PTPRM: variants seen among roughly 807,000 people sequenced by gnomAD.
PTPRM encodes receptor-type tyrosine-protein phosphatase mu.
PTPRM carries 47 observed loss-of-function variants against 186.7 expected under a neutral mutation model. The ratio of observed to expected loss-of-function variants is 0.25; its 90% confidence interval spans 0.20 to 0.32. The LOEUF is 0.32. PTPRM is among the 10% of genes least tolerant of loss of function. The probability of loss-of-function intolerance (pLI) is 1.00; values close to 1 mark genes in which losing one functional copy is unlikely to be tolerated. For missense variants in PTPRM, 1,494 were observed against 1,865.0 expected, an observed-to-expected ratio of 0.80 and a Z score of 3.66; for synonymous variants, 668 against 674.9, an observed-to-expected ratio of 0.99 and a Z score of 0.16.
intron 23 of PTPRM, chr18:8,367,167 G>A (rs1212167128): frequency 1.3e-5 from 2 of 151,988 alleles, no homozygotes; most frequent in East Asian, 3.9e-4. Context: ...ACAAGTCCAA[G>A]TAGTTAAAAA....
At chr18:7,759,005 G>A (rs1456110845) in intron 1 of PTPRM, among the ~76,000 whole-genome samples, 1 of 152,200 alleles carries the variant, frequency 6.6e-6, no homozygotes, top group Admixed American at 6.5e-5. Context: ...TCCTGGTGAT[G>A]GCTGAGACAG....
chr18:7,713,533 A>G (rs1180757750), intron 1 of PTPRM, among the ~76,000 whole-genome samples: 2 of 152,288 alleles, frequency 1.3e-5, no homozygotes, highest in Admixed American at 1.3e-4. Context: ...TTAACCTTAA[A>G]TGTAAACAGG....
intron 14 of PTPRM, among the ~76,000 whole-genome samples, chr18:8,194,947 G>A (rs2093756540): frequency 6.6e-6 from 1 of 152,006 alleles, no homozygotes. Context: ...AGGAATCAAA[G>A]AAGGCTCTCA....
intron 1 of PTPRM, among the ~76,000 whole-genome samples, chr18:7,773,769 AG>A (rs575270105): frequency 6.6e-5 from 10 of 152,050 alleles, no homozygotes; most frequent in Admixed American, 3.9e-4. Context: ...TTGTAGAGAT[AG>A]GGTTTCACCA....
chr18:8,055,314 G>T (rs1444149697), intron 7 of PTPRM, among the ~76,000 whole-genome samples: 1 of 151,670 alleles, frequency 6.6e-6, no homozygotes, highest in Admixed American at 6.6e-5. Flanking sequence ...TTTCTATTAT[G>T]TTCCTATTTC....
intron 1 of PTPRM, among the ~76,000 whole-genome samples, chr18:7,654,532 C>T (rs1014206373): frequency 6.6e-6 from 1 of 152,098 alleles, no homozygotes; most frequent in Non-Finnish European, 1.5e-5. Context: ...TTTGCCTTTT[C>T]CTATGTCCAG....
chr18:8,023,874 A>G (rs914138818), intron 7 of PTPRM, among the ~76,000 whole-genome samples: 6 of 142,124 alleles, frequency 4.2e-5, no homozygotes, highest in Non-Finnish European at 6.3e-5. Context: ...ACACACACGC[A>G]CACCCCTCCT....
intron 7 of PTPRM, among the ~76,000 whole-genome samples, chr18:7,994,054 C>G (rs1453672659): frequency 6.6e-6 from 1 of 152,002 alleles, no homozygotes; most frequent in African/African-American, 2.4e-5. Flanking sequence ...CAAGACCCAA[C>G]CATATTCTGC....
At chr18:8,302,555 C>T (rs765073877) in intron 20 of PTPRM, among the ~76,000 whole-genome samples, 18 of 152,026 alleles carry the variant, frequency 1.2e-4, no homozygotes, top group Middle Eastern at 3.4e-3. Context: ...AAAGTAGGTT[C>T]GAAAGGGACA....
chr18:7,796,839 G>A (rs1254897978), intron 2 of PTPRM, among the ~76,000 whole-genome samples: 2 of 152,220 alleles, frequency 1.3e-5, no homozygotes, highest in Non-Finnish European at 2.9e-5. Context: ...GCCTGAGCAT[G>A]CCAGCCTAAA....
intron 13 of PTPRM, among the ~76,000 whole-genome samples, chr18:8,135,830 A>G (rs951434379): frequency 4.6e-5 from 7 of 152,140 alleles, no homozygotes; most frequent in Admixed American, 4.6e-4. Flanking sequence ...TAGGCTCTAC[A>G]TTTTTTGAGC....
intron 19 of PTPRM, among the ~76,000 whole-genome samples, chr18:8,293,109 T>C (rs1458074069): frequency 6.6e-6 from 1 of 152,184 alleles, no homozygotes; most frequent in African/African-American, 2.4e-5. Flanking sequence ...GCACATACTT[T>C]TGATGCTCTC....
chr18:8,205,302 A>G (rs986647982), intron 14 of PTPRM, among the ~76,000 whole-genome samples: 5 of 152,212 alleles, frequency 3.3e-5, no homozygotes, highest in Admixed American at 6.5e-5. Flanking sequence ...ATACAAAAAA[A>G]AACCCTGCAA....
At chr18:8,117,061 A>G (rs1327933916) in intron 13 of PTPRM, among the ~76,000 whole-genome samples, 1 of 152,210 alleles carries the variant, frequency 6.6e-6, no homozygotes, top group Non-Finnish European at 1.5e-5. Flanking sequence ...TAAGTTCTAC[A>G]TGGACGGATT....
chr18:8,031,199 C>T (rs1245189009), intron 7 of PTPRM, among the ~76,000 whole-genome samples: 1 of 152,200 alleles, frequency 6.6e-6, no homozygotes, highest in Non-Finnish European at 1.5e-5. Flanking sequence ...ACTCTTAAAT[C>T]TTCACCCACT....
At chr18:7,923,959 G>T (rs1403608260) in intron 4 of PTPRM, among the ~76,000 whole-genome samples, 2 of 152,190 alleles carry the variant, frequency 1.3e-5, no homozygotes, top group Admixed American at 6.5e-5. Flanking sequence ...AGAGACATTT[G>T]TGTTATAAAT....
At chr18:7,574,189 C>T (rs567761075) in intron 1 of PTPRM, among the ~76,000 whole-genome samples, 3 of 152,302 alleles carry the variant, frequency 2.0e-5, no homozygotes, top group South Asian at 4.1e-4. Context: ...TTGATTAATA[C>T]GGCCGGTATT....
At chr18:7,728,368 A>G (rs1331899282) in intron 1 of PTPRM, among the ~76,000 whole-genome samples, 2 of 152,204 alleles carry the variant, frequency 1.3e-5, no homozygotes, top group Admixed American at 6.5e-5. Context: ...GAAAGCTCTC[A>G]GCAAAGAAAA....
rs150577417 is a variant in PTPRM at position 7,653,118 on chromosome 18, TTTATTATTA to T, written c.73+85253_73+85261del. Among the ~76,000 whole-genome samples, 522 of 145,496 alleles carry T rather than the reference TTTATTATTA, an allele frequency of 3.6e-3. 8 individuals are homozygous for T. The highest frequency in any genetic ancestry group is 7.1e-3 in the Admixed American group (103 of 14,478). The stretch of plus-strand genomic sequence containing the variant: ...TTAAAACAGAGATACCACTATGTAC[TTTATTATTA>T]TTATTATTATTATTATTATTATTAT... On this transcript the variant is annotated intron_variant, in intron 1 of 32. Coordinates refer to ENST00000580170, the MANE Select transcript of PTPRM (RefSeq NM_001105244.2).
Sources: gnomAD v4.1 joint callset for allele counts (sites outside exome capture counted in the v4.1 genomes callset) on GRCh38, gnomAD v4.1.1 for gene constraint, MANE v1.5 for transcripts, NCBI Gene and HGNC (gene_info 2026-07-23, HGNC 2026-07-21) for gene names.